Variants in TDRD3 observed in about 807,000 individuals in gnomAD.
TDRD3 encodes the protein tudor domain-containing protein 3.
TDRD3 carries 45 observed loss-of-function variants against 86.7 expected under a neutral mutation model. The observed-to-expected ratio is 0.52, with a 90% CI of 0.41 to 0.67. TDRD3 has a LOEUF of 0.67. TDRD3 is among the 30% of genes least tolerant of loss of function. The pLI is 0.00. For synonymous variants in TDRD3, 298 were observed against 301.7 expected, an observed-to-expected ratio of 0.99 and a Z score of 0.13; for missense variants, 814 against 889.0, an observed-to-expected ratio of 0.92 and a Z score of 1.07.
At chr13:60,416,461 T>C (rs79311191) in intron 1 of TDRD3, among the ~76,000 whole-genome samples, 1,704 of 152,326 alleles carry the variant, frequency 0.011, 40 homozygotes, top group African/African-American at 0.039. Flanking sequence ...ATTTAAAACA[T>C]TCATTTACCA....
At chr13:60,561,762 G>C (rs1646523333) in intron 12 of TDRD3, among the ~76,000 whole-genome samples, 1 of 152,136 alleles carries the variant, frequency 6.6e-6, no homozygotes, top group African/African-American at 2.4e-5. Flanking sequence ...AGTGGCACTA[G>C]TTACTTGAGC....
chr13:60,483,777 C>T lies in TDRD3; in HGVS notation c.498C>T (p.Ser166=), dbSNP rs775751185. ...TTGTGACTGGATTTTTTCCGCAGAG[C>T]TTATCAAAACACAATAGAAGCAATA... ...HLIEKWELQR[S]LSKHNRSNIG... is the part of the protein sequence containing the mutation. The change falls in exon 6 of 14, where the codon AGC becomes AGT. Residue 166 remains serine, a splice_region_variant and synonymous_variant. Coordinates refer to ENST00000377881, the MANE Select transcript of TDRD3 (RefSeq NM_001146070.2). The T allele has an allele frequency of 6.2e-6, 10 of 1,605,556 alleles. No individual in the cohort carries two copies. In the East Asian group the frequency reaches 6.8e-5, roughly 11 times the overall value.
intron 7 of TDRD3, among the ~76,000 whole-genome samples, chr13:60,488,634 C>T (rs138405688): frequency 1.4e-3 from 213 of 152,004 alleles, no homozygotes; most frequent in African/African-American, 5.0e-3. Context: ...AGTGCAGTGG[C>T]GCGATCTTGG....
At chr13:60,468,702 C>T (rs1294466830) in intron 5 of TDRD3, among the ~76,000 whole-genome samples, 2 of 152,072 alleles carry the variant, frequency 1.3e-5, no homozygotes, top group East Asian at 3.8e-4. Flanking sequence ...GAGCACAATC[C>T]AAGACCATTT....
chr13:60,417,519 T>G (rs534952227), intron 1 of TDRD3, among the ~76,000 whole-genome samples: 4 of 152,020 alleles, frequency 2.6e-5, no homozygotes, highest in African/African-American at 9.6e-5. Context: ...TTTTTGTATG[T>G]TTAGTAGAGA....
chr13:60,433,049 C>G (rs1020734400), intron 1 of TDRD3, among the ~76,000 whole-genome samples: 6 of 151,966 alleles, frequency 3.9e-5, no homozygotes, highest in African/African-American at 1.5e-4. Context: ...TGACATAGTC[C>G]CTATCCATTT....
chr13:60,462,686 A>ATTG (rs1955827157), intron 4 of TDRD3, among the ~76,000 whole-genome samples: 1 of 152,026 alleles, frequency 6.6e-6, no homozygotes, highest in African/African-American at 2.4e-5. Context: ...TATTATTATT[A>ATTG]TTATTACAAT....
intron 7 of TDRD3, among the ~76,000 whole-genome samples, chr13:60,492,189 G>T (rs1956602933): frequency 1.3e-5 from 2 of 152,138 alleles, no homozygotes; most frequent in South Asian, 4.1e-4. Context: ...ATAAGTAAAT[G>T]CATCCAGAAG....
At chr13:60,456,069 C>CAA (rs35117003) in intron 3 of TDRD3, among the ~76,000 whole-genome samples, 33,137 of 95,172 alleles carry the variant, frequency 0.35, 5,429 homozygotes, top group South Asian at 0.51. Context: ...GACTATGTCT[C>CAA]AAAAAAAAAA....
At chr13:60,443,377 A>G (rs751572386) in intron 2 of TDRD3, among the ~76,000 whole-genome samples, 10 of 152,180 alleles carry the variant, frequency 6.6e-5, no homozygotes, top group Non-Finnish European at 1.2e-4. Context: ...TGTAAAAAGC[A>G]TAAGTCTAAA....
chr13:60,541,428 A>C (rs1201602917), intron 12 of TDRD3, among the ~76,000 whole-genome samples: 1 of 152,010 alleles, frequency 6.6e-6, no homozygotes, highest in Admixed American at 6.6e-5. Flanking sequence ...TGGCCTCCGA[A>C]AGTGCTGGGA....
At chr13:60,432,354 C>T (rs1954974438) in intron 1 of TDRD3, among the ~76,000 whole-genome samples, 1 of 152,040 alleles carries the variant, frequency 6.6e-6, no homozygotes, top group African/African-American at 2.4e-5. Context: ...AAATCTTGTG[C>T]CCCAATTCTT....
At position 60,502,328 on chromosome 13, in the gene TDRD3, A is replaced by G. The variant is rs113661973; in HGVS notation, c.859-7435A>G. 8.3e-3 allele frequency among the ~76,000 whole-genome samples: 1,271 copies of G among 152,344 alleles called. 8 individuals are homozygous for G. The highest frequency in any genetic ancestry group is 0.024 in the Middle Eastern group (7 of 294). ...TAAGCAGGGTTAGTCTAAAATGTCAACAAAATAAACTAAAAAACAATTAAT... is the reference window on the plus strand; with the variant it reads ...TAAGCAGGGTTAGTCTAAAATGTCAGCAAAATAAACTAAAAAACAATTAAT... On this transcript the variant is annotated intron_variant, in intron 8 of 13. Transcript: ENST00000377881.
intron 1 of TDRD3, among the ~76,000 whole-genome samples, chr13:60,436,669 T>C (rs934550154): frequency 1.3e-5 from 2 of 152,214 alleles, no homozygotes; most frequent in Non-Finnish European, 1.5e-5. Context: ...TTGGTAACTA[T>C]AGCCTTGTAG....
At chr13:60,434,970 G>A (rs541902297) in intron 1 of TDRD3, among the ~76,000 whole-genome samples, 1 of 152,276 alleles carries the variant, frequency 6.6e-6, no homozygotes, top group South Asian at 2.1e-4. Flanking sequence ...TGTTACTGAA[G>A]TTCTTGAAGC....
rs541617072 is a variant in TDRD3 at position 60,523,832 on chromosome 13, A to C, written c.1142-4535A>C. On this transcript the variant is annotated intron_variant, in intron 10 of 13. Transcript: ENST00000377881. Reference sequence around the variant, plus strand: ...CCTCAAGTGATCCACCCACCTTGGCATCCCAAAGTGCTGGGATTACAGGCG... The same window carrying C: ...CCTCAAGTGATCCACCCACCTTGGCCTCCCAAAGTGCTGGGATTACAGGCG... 6.6e-5 allele frequency among the ~76,000 whole-genome samples: 10 copies of C among 152,098 alleles called. No homozygotes were observed. In the East Asian group the frequency reaches 1.9e-3, roughly 29 times the overall value.
At chr13:60,453,816 C>A (rs1955602072) in intron 3 of TDRD3, among the ~76,000 whole-genome samples, 1 of 152,134 alleles carries the variant, frequency 6.6e-6, no homozygotes, top group South Asian at 2.1e-4. Flanking sequence ...AAAAATACGG[C>A]ATTTCTATTG....
Position 60,460,543 on chromosome 13 carries a change from GA to G in TDRD3, c.353+4del. 1 of 1,532,290 alleles carries G rather than the reference GA, an allele frequency of 6.5e-7. No homozygotes were observed. The highest frequency in any genetic ancestry group is 1.3e-5 in the South Asian group (1 of 77,118). The allele number at this position is 1,532,290 out of a possible 1,614,324, so 94.9% of individuals were successfully genotyped here. On this transcript the variant is annotated splice_donor_region_variant and intron_variant, in intron 4 of 13. Transcript: ENST00000377881. The stretch of plus-strand genomic sequence containing the variant: ...TTTAGTTATATGTCAAAAATAAGGT[GA>G]TTGGCACTTTATTTTGTGTATTTGT...
chr13:60,403,588 G>A (rs1297591705), intron 1 of TDRD3, among the ~76,000 whole-genome samples: 1 of 152,104 alleles, frequency 6.6e-6, no homozygotes, highest in African/African-American at 2.4e-5. Context: ...AAACAAGATG[G>A]GGCAAAAATG....
Sources: gnomAD v4.1 joint callset for allele counts (sites outside exome capture counted in the v4.1 genomes callset) on GRCh38, gnomAD v4.1.1 for gene constraint, MANE v1.5 for transcripts, NCBI Gene and HGNC (gene_info 2026-07-23, HGNC 2026-07-21) for gene names.